DYNC2I1: variants seen among roughly 807,000 people sequenced by gnomAD.
DYNC2I1 encodes cytoplasmic dynein 2 intermediate chain 1.
DYNC2I1 carries 89 observed loss-of-function variants against 133.4 expected under a neutral mutation model. That is an observed-to-expected ratio of 0.67 (90% CI 0.56 to 0.80). The LOEUF (loss-of-function observed/expected upper bound fraction) is 0.80, where lower values mean the gene tolerates loss of function less well. DYNC2I1 is among the 30% of genes least tolerant of loss of function. The pLI is 0.00. For missense variants in DYNC2I1, 1,291 were observed against 1,314.5 expected, an observed-to-expected ratio of 0.98 and a Z score of 0.28; for synonymous variants, 504 against 484.3, an observed-to-expected ratio of 1.04 and a Z score of -0.54.
the DYNC2I1 span, among the ~76,000 whole-genome samples, chr7:158,839,830 A>G: frequency 6.6e-6 from 1 of 151,342 alleles, no homozygotes; most frequent in African/African-American, 2.4e-5. Context: ...AAAAAAAAAA[A>G]AGAGATGAGG....
At chr7:158,866,610 C>T (rs1584957478) in intron 1 of DYNC2I1, among the ~76,000 whole-genome samples, 2 of 152,060 alleles carry the variant, frequency 1.3e-5, no homozygotes, top group Admixed American at 6.6e-5. Context: ...GTTGGCCGGG[C>T]GTGGTGGCTC....
intron 4 of DYNC2I1, among the ~76,000 whole-genome samples, chr7:158,877,293 C>T (rs547502447): frequency 8.0e-5 from 12 of 150,328 alleles, no homozygotes; most frequent in South Asian, 6.3e-4. Flanking sequence ...CCTGCGGTTC[C>T]GGATTGGTGT....
At chr7:158,870,533 T>A (rs1025597591) in intron 2 of DYNC2I1, among the ~76,000 whole-genome samples, 1 of 151,624 alleles carries the variant, frequency 6.6e-6, no homozygotes, top group Non-Finnish European at 1.5e-5. Flanking sequence ...TTTAATTTTT[T>A]AATTTTTTAA....
At chr7:158,839,586 G>A in the DYNC2I1 span, among the ~76,000 whole-genome samples, 426 of 152,200 alleles carry the variant, frequency 2.8e-3, 1 homozygote, top group Non-Finnish European at 3.3e-3. Flanking sequence ...TTGGGAGGCC[G>A]AGGCGGGTGG....
intron 3 of DYNC2I1, among the ~76,000 whole-genome samples, chr7:158,875,822 C>T (rs12667107): frequency 0.11 from 16,881 of 152,206 alleles, 1,603 homozygotes; most frequent in East Asian, 0.49. Context: ...TCACATTTGG[C>T]TAAAGTGTTG....
At chr7:158,917,190 TTG>T (rs1448837702) in intron 14 of DYNC2I1, among the ~76,000 whole-genome samples, 14 of 141,712 alleles carry the variant, frequency 9.9e-5, no homozygotes, top group Non-Finnish European at 2.0e-4. Flanking sequence ...TTAAGGATGA[TTG>T]TGAAACGTCG....
rs572405154 is a variant in DYNC2I1 at position 158,871,524 on chromosome 7, G to A, written c.452G>A (p.Arg151Gln). Residue 151 changes from arginine to glutamine, a missense_variant, in exon 3 of 25, where the codon CGG becomes CAG. By Grantham distance (43) the Arg-to-Gln change is conservative. Transcript: ENST00000407559. ...CTGCTGGGCCAGGAGACACGCGACC[G>A]GCAGCTCCTGGAGCGGGCGGAGAGG... is the stretch of plus-strand genomic sequence containing the variant. ...HNLLGQETRD[R>Q]QLLERAERKG... The A allele has an allele frequency of 5.2e-6, 8 of 1,544,468 alleles. No individual in the cohort carries two copies. Among genetic ancestry groups the A allele is most frequent in the East Asian group, 2.4e-5 (1 of 40,934 alleles).
At chr7:158,933,071 C>T (rs192874399) in intron 21 of DYNC2I1, among the ~76,000 whole-genome samples, 64 of 151,426 alleles carry the variant, frequency 4.2e-4, no homozygotes, top group Non-Finnish European at 8.3e-4. Context: ...ATTTGGGAGT[C>T]GTCAACCAAG....
chr7:158,894,583 C>T (rs1179004309), intron 8 of DYNC2I1, among the ~76,000 whole-genome samples: 1 of 152,134 alleles, frequency 6.6e-6, no homozygotes, highest in Non-Finnish European at 1.5e-5. Context: ...TGTAGTCTAT[C>T]CACTCACTAA....
chr7:158,877,149 G>A (rs1408461532), intron 4 of DYNC2I1, among the ~76,000 whole-genome samples: 3 of 152,026 alleles, frequency 2.0e-5, no homozygotes, highest in South Asian at 2.1e-4. Context: ...TTCGCGGTGC[G>A]GGTGTGTTGG....
Position 158,934,438 on chromosome 7 carries a change from A to C in DYNC2I1, c.2667A>C (p.Thr889=). 6.2e-7 allele frequency: 1 copy of C among 1,602,594 alleles called. No homozygotes were observed. The highest frequency in any genetic ancestry group is 8.5e-7 in the Non-Finnish European group (1 of 1,174,228). Residue 889 remains threonine, a synonymous_variant, in exon 23 of 25, where the codon ACA becomes ACC. Transcript: ENST00000407559. ...GTDMGLISHG[T]RQDLRVAPKL... ...CACAGGGTCTCATAAGCCATGGCAC[A>C]AGACAAGATTTGAGAGTGGCTCCCA...
intron 20 of DYNC2I1, among the ~76,000 whole-genome samples, chr7:158,929,714 C>T (rs901379987): frequency 1.3e-5 from 2 of 152,236 alleles, no homozygotes; most frequent in Non-Finnish European, 2.9e-5. Context: ...GAGTTTTAGG[C>T]AATGCCTTGC....
chr7:158,860,115 G>A (rs548874068), intron 1 of DYNC2I1, among the ~76,000 whole-genome samples: 1 of 151,606 alleles, frequency 6.6e-6, no homozygotes, highest in South Asian at 2.1e-4. Context: ...GAGTGCAGTG[G>A]TATGATCTCA....
chr7:158,868,300 G>T (rs934175972), intron 1 of DYNC2I1, among the ~76,000 whole-genome samples: 1 of 152,154 alleles, frequency 6.6e-6, no homozygotes, highest in Admixed American at 6.5e-5. Flanking sequence ...TTCCCGGCAC[G>T]CACAGTGTGG....
intron 1 of DYNC2I1, among the ~76,000 whole-genome samples, chr7:158,865,183 G>A (rs757341484): frequency 6.6e-5 from 10 of 152,202 alleles, no homozygotes; most frequent in Admixed American, 1.3e-4. Flanking sequence ...CTCTGATGGT[G>A]CACCTTGGAG....
At chr7:158,878,759 CGAG>C (rs1843667279) in intron 4 of DYNC2I1, among the ~76,000 whole-genome samples, 1 of 135,560 alleles carries the variant, frequency 7.4e-6, no homozygotes, top group African/African-American at 2.8e-5. Context: ...TGTGGGGAGG[CGAG>C]GAGGGGAGGC....
intron 3 of DYNC2I1, among the ~76,000 whole-genome samples, chr7:158,873,384 T>A (rs975569615): frequency 2.6e-5 from 4 of 152,234 alleles, no homozygotes; most frequent in African/African-American, 9.6e-5. Context: ...ATTGCCACCA[T>A]TAGATGTCTC....
chr7:158,944,837 C>T (rs555732938), intron 24 of DYNC2I1, among the ~76,000 whole-genome samples: 6 of 152,234 alleles, frequency 3.9e-5, no homozygotes, highest in African/African-American at 1.2e-4. Context: ...GAGACGGGGT[C>T]CCCAGCCACG....
At chr7:158,866,356 C>T (rs1314612719) in intron 1 of DYNC2I1, among the ~76,000 whole-genome samples, 7 of 151,640 alleles carry the variant, frequency 4.6e-5, no homozygotes, top group African/African-American at 1.7e-4. Context: ...CCTGGTTGGA[C>T]TGTCCCTGAG....
Sources: gnomAD v4.1 joint callset for allele counts (sites outside exome capture counted in the v4.1 genomes callset) on GRCh38, gnomAD v4.1.1 for gene constraint, MANE v1.5 for transcripts, NCBI Gene and HGNC (gene_info 2026-07-23, HGNC 2026-07-21) for gene names.